MBOAT2: variants seen among roughly 807,000 people sequenced by gnomAD.
The protein encoded by MBOAT2 is membrane bound glycerophospholipid O-acyltransferase 2.
A neutral mutation model predicts 63.4 loss-of-function variants in MBOAT2; 28 were observed. That is an observed-to-expected ratio of 0.44 (90% confidence interval 0.33 to 0.61). The LOEUF (loss-of-function observed/expected upper bound fraction) is 0.61, where lower values mean the gene tolerates loss of function less well. Ranked by LOEUF, MBOAT2 falls within the 20% of genes least tolerant of loss-of-function variation. The probability of loss-of-function intolerance (pLI) is 0.03; values close to 1 mark genes in which losing one functional copy is unlikely to be tolerated. For missense variants in MBOAT2, 470 were observed against 605.8 expected, an observed-to-expected ratio of 0.78 and a Z score of 2.35; for synonymous variants, 211 against 215.6, an observed-to-expected ratio of 0.98 and a Z score of 0.19.
intron 1 of MBOAT2, among the ~76,000 whole-genome samples, chr2:8,982,943 T>G (rs1671302707): frequency 6.6e-6 from 1 of 152,190 alleles, no homozygotes; most frequent in Non-Finnish European, 1.5e-5. Context: ...TGATTTTCAC[T>G]GTATCACACT....
At chr2:8,912,382 AG>A (rs1233552889) in intron 3 of MBOAT2, among the ~76,000 whole-genome samples, 15 of 101,420 alleles carry the variant, frequency 1.5e-4, no homozygotes, top group African/African-American at 5.3e-4. Flanking sequence ...AGAGAAAGAA[AG>A]AAAGAAAGAA....
At position 8,877,085 on chromosome 2, in the gene MBOAT2, G is replaced by A. The variant is rs1662750462; in HGVS notation, c.635C>T (p.Ser212Phe). The change falls in exon 7 of 13, where the codon TCT becomes TTT. Residue 212 changes from serine to phenylalanine, a missense_variant. By Grantham distance (155) the Ser-to-Phe change is radical. Transcript: ENST00000305997. ...IEGRSYHITQ[S>F]GENGKEETQY... ...TGTCTCTTCTTTTCCATTTTCACCA[G>A]ATTGTGTGATATGGTATGATCTGCC... The A allele has an allele frequency of 6.2e-7, 1 of 1,613,554 alleles. No individual in the cohort carries two copies. The highest frequency in any genetic ancestry group is 1.7e-5 in the Admixed American group (1 of 59,896).
intron 1 of MBOAT2, among the ~76,000 whole-genome samples, chr2:8,962,206 G>A (rs984032295): frequency 7.9e-5 from 12 of 152,020 alleles, no homozygotes; most frequent in South Asian, 2.1e-4. Flanking sequence ...TCCATTTACC[G>A]AGACTGAAAC....
At chr2:8,888,448 T>A (rs1416543561) in intron 4 of MBOAT2, among the ~76,000 whole-genome samples, 1 of 152,184 alleles carries the variant, frequency 6.6e-6, no homozygotes, top group Non-Finnish European at 1.5e-5. Flanking sequence ...TTCTGCTCAG[T>A]ACTTTCTTCA....
chr2:8,996,673 C>T lies in MBOAT2; in HGVS notation c.75+6867G>A, dbSNP rs1573285797. On this transcript the variant is annotated intron_variant, in intron 1 of 12. Transcript: ENST00000305997. ...CCACAGCCACTATCTTGGGGTTCTG[C>T]TCCTTCCTTCCCTCTTGACCCTCCA... 2.6e-5 allele frequency among the ~76,000 whole-genome samples: 4 copies of T among 152,294 alleles called. No individual in the cohort carries two copies. The South Asian group carries it at 8.3e-4, about 32-fold the overall frequency.
At position 8,937,269 on chromosome 2, in the gene MBOAT2, C is replaced by G. The variant is rs191109592; in HGVS notation, c.299+5918G>C. ...TGAGGCAGGGGCCATGGCTGGGAAG[C>G]AGGAGTTCGAGGGGGCTCCTTGGAC... On this transcript the variant is annotated intron_variant, in intron 3 of 12. Transcript: ENST00000305997. Among the ~76,000 whole-genome samples, 18 of 152,326 alleles carry G rather than the reference C, an allele frequency of 1.2e-4. No individual in the cohort carries two copies. The East Asian group carries it at 2.7e-3, about 23-fold the overall frequency.
chr2:8,946,042 A>C (rs1423270969), intron 2 of MBOAT2, among the ~76,000 whole-genome samples: 1 of 152,230 alleles, frequency 6.6e-6, no homozygotes, highest in Admixed American at 6.5e-5. Context: ...GCTAAAAAAG[A>C]GATTAGATAA....
chr2:8,886,072 T>C (rs1298265021), intron 5 of MBOAT2, among the ~76,000 whole-genome samples: 2 of 152,210 alleles, frequency 1.3e-5, no homozygotes, highest in East Asian at 3.9e-4. Flanking sequence ...ACACCTGCTT[T>C]CCTTCTGGGA....
chr2:8,978,653 G>T (rs1034987867), intron 1 of MBOAT2, among the ~76,000 whole-genome samples: 2 of 152,094 alleles, frequency 1.3e-5, no homozygotes, highest in Middle Eastern at 3.4e-3. Context: ...ACACACACTG[G>T]GGCCAGTCAG....
At chr2:8,959,366 T>G (rs1669456467) in intron 1 of MBOAT2, among the ~76,000 whole-genome samples, 1 of 152,226 alleles carries the variant, frequency 6.6e-6, no homozygotes, top group South Asian at 2.1e-4. Flanking sequence ...CTGGTAAGAC[T>G]GCTGCTGCTC....
chr2:8,954,487 A>C (rs1199286455), intron 2 of MBOAT2, among the ~76,000 whole-genome samples: 1 of 151,622 alleles, frequency 6.6e-6, no homozygotes, highest in Non-Finnish European at 1.5e-5. Context: ...CCAAGGGAGA[A>C]TCCAGAGGGC....
chr2:8,958,630 C>A lies in MBOAT2; in HGVS notation c.88G>T (p.Val30Leu). 6.3e-7 allele frequency: 1 copy of A among 1,583,674 alleles called. No homozygotes were observed. ...QLPIDQVNFV[V>L]CQLFALLAAI... is the part of the protein sequence containing the mutation. Reference sequence around the variant, plus strand: ...GCTAGCAAGGCAAAGAGTTGGCACACTACAAAGTTGACCTGTAAAGAAAAA... The same window carrying A: ...GCTAGCAAGGCAAAGAGTTGGCACAATACAAAGTTGACCTGTAAAGAAAAA... The change falls in exon 2 of 13, where the codon GTG (valine) becomes TTG (leucine). Residue 30 changes from valine to leucine, a missense_variant. By Grantham distance (32) the Val-to-Leu change is conservative. Around this residue, in one of 3 missense-constraint regions of MBOAT2, gnomAD observed 376 missense variants for 503.8 expected, o/e 0.75. Transcript: ENST00000305997.
At chr2:8,975,428 T>G (rs528401894) in intron 1 of MBOAT2, among the ~76,000 whole-genome samples, 1 of 152,250 alleles carries the variant, frequency 6.6e-6, no homozygotes, top group South Asian at 2.1e-4. Flanking sequence ...TATTCATCTA[T>G]GCATTACTAC....
intron 6 of MBOAT2, among the ~76,000 whole-genome samples, chr2:8,880,965 C>T (rs116084725): frequency 1.2e-3 from 188 of 152,306 alleles, no homozygotes; most frequent in African/African-American, 4.0e-3. Flanking sequence ...TCAAGAAGTG[C>T]TCCTCTAAAG....
chr2:9,000,573 T>C (rs1197332740), intron 1 of MBOAT2, among the ~76,000 whole-genome samples: 1 of 152,242 alleles, frequency 6.6e-6, no homozygotes, highest in Non-Finnish European at 1.5e-5. Context: ...ATGTGTCACT[T>C]AATGATGAGG....
Position 8,996,901 on chromosome 2 carries a change from C to T in MBOAT2, c.75+6639G>A, listed in dbSNP as rs532388409. Among the ~76,000 whole-genome samples, 14 of 152,310 alleles carry T rather than the reference C, an allele frequency of 9.2e-5. 1 individual carries two copies. Among genetic ancestry groups the T allele is most frequent in the Admixed American group, 6.5e-4 (10 of 15,310 alleles). On this transcript the variant is annotated intron_variant, in intron 1 of 12. Transcript: ENST00000305997. ...AACAATGCCAAATCCAAAATACTCT[C>T]GTGGCTCAAATAAGGAAGCAGTCAC...
intron 4 of MBOAT2, among the ~76,000 whole-genome samples, chr2:8,893,569 T>A (rs1411493988): frequency 6.6e-6 from 1 of 152,198 alleles, no homozygotes; most frequent in African/African-American, 2.4e-5. Flanking sequence ...CACCTTTGCA[T>A]AGTAACTGCC....
intron 1 of MBOAT2, among the ~76,000 whole-genome samples, chr2:8,965,651 C>T (rs1444621996): frequency 6.6e-6 from 1 of 152,090 alleles, no homozygotes; most frequent in Non-Finnish European, 1.5e-5. Context: ...CTTTAAATTT[C>T]CTCCCTCTTA....
chr2:8,995,055 T>C (rs1030948427), intron 1 of MBOAT2, among the ~76,000 whole-genome samples: 1 of 148,442 alleles, frequency 6.7e-6, no homozygotes, highest in African/African-American at 2.5e-5. Context: ...GGGTCGGGGG[T>C]TGAATAAGCC....
Sources: gnomAD v4.1 joint callset for allele counts (sites outside exome capture counted in the v4.1 genomes callset) on GRCh38, gnomAD v4.1.1 for gene constraint, gnomAD v4.1.1 regional missense constraint, MANE v1.5 for transcripts, NCBI Gene and HGNC (gene_info 2026-07-23, HGNC 2026-07-21) for gene names.